PRKN: variants seen among roughly 807,000 people sequenced by gnomAD.
PRKN encodes the protein E3 ubiquitin-protein ligase parkin.
PRKN carries 56 observed loss-of-function variants against 59.5 expected under a neutral mutation model. The observed-to-expected ratio is 0.94, with a 90% CI of 0.76 to 1.18. The LOEUF is 1.18. PRKN is among the 50% of genes most tolerant of loss of function. PRKN has a pLI of 0.00. For synonymous variants in PRKN, 250 were observed against 222.1 expected, an observed-to-expected ratio of 1.13 and a Z score of -1.12; for missense variants, 657 against 596.4, an observed-to-expected ratio of 1.10 and a Z score of -1.06.
At chr6:161,869,781 C>T (rs1281261523) in intron 6 of PRKN, among the ~76,000 whole-genome samples, 1 of 152,116 alleles carries the variant, frequency 6.6e-6, no homozygotes, top group Admixed American at 6.6e-5. Flanking sequence ...TTGTCTTCTT[C>T]CCAGGGCAGA....
intron 7 of PRKN, among the ~76,000 whole-genome samples, chr6:161,694,052 T>C (rs1435918091): frequency 6.6e-6 from 1 of 152,142 alleles, no homozygotes; most frequent in African/African-American, 2.4e-5. Flanking sequence ...CCTCAAGCAT[T>C]CTCTAAAACA....
chr6:162,490,363 A>C (rs1562325992), intron 1 of PRKN, among the ~76,000 whole-genome samples: 1 of 152,236 alleles, frequency 6.6e-6, no homozygotes, highest in Non-Finnish European at 1.5e-5. Context: ...CAGAAGAAAT[A>C]AACATTTCAC....
chr6:161,408,315 G>A (rs1294514868), intron 9 of PRKN, among the ~76,000 whole-genome samples: 1 of 124,846 alleles, frequency 8.0e-6, no homozygotes, highest in Non-Finnish European at 1.6e-5. Flanking sequence ...GTGAAAAACT[G>A]GTAAAAAAAA....
rs1013607140 is a variant in PRKN, at chr6:162,294,234, C to T, written c.172-31469G>A. Among the ~76,000 whole-genome samples, 10 of 152,070 alleles carry T rather than the reference C, an allele frequency of 6.6e-5. 1 individual carries two copies. Among genetic ancestry groups the T allele is most frequent in the African/African-American group, 1.9e-4 (8 of 41,390 alleles). ...AACCCTTGGCCAGGCTCCAAGTACCCGAGCCAAAAGCTCTGTTTCCTGGCC... is the reference window on the plus strand; with the variant it reads ...AACCCTTGGCCAGGCTCCAAGTACCTGAGCCAAAAGCTCTGTTTCCTGGCC... On this transcript the variant is annotated intron_variant, in intron 2 of 11. Transcript: ENST00000366898.
chr6:161,482,009 G>A (rs936578976), intron 9 of PRKN, among the ~76,000 whole-genome samples: 4 of 139,314 alleles, frequency 2.9e-5, no homozygotes, highest in Non-Finnish European at 3.1e-5. Context: ...TTCATTTTGC[G>A]GGGGGTGGGG....
chr6:162,262,918 C>G, intron 2 of PRKN, 153 bp from the exon 3 acceptor site: 1 of 902,738 alleles, frequency 1.1e-6, no homozygotes, highest in Non-Finnish European at 1.7e-6. Context: ...ACAGCAGTTA[C>G]ACACTACACA....
At chr6:162,534,003 G>T (rs1402145546) in intron 1 of PRKN, among the ~76,000 whole-genome samples, 2 of 150,572 alleles carry the variant, frequency 1.3e-5, no homozygotes, top group African/African-American at 2.4e-5. Flanking sequence ...TATGAAGGAG[G>T]ATTAATAAGA....
chr6:162,243,353 T>C (rs902110152), intron 3 of PRKN, among the ~76,000 whole-genome samples: 2 of 152,112 alleles, frequency 1.3e-5, no homozygotes, highest in Admixed American at 6.6e-5. Flanking sequence ...GACTTATCAA[T>C]GACAGCTCTT....
At chr6:161,501,165 C>T (rs1202340569) in intron 9 of PRKN, among the ~76,000 whole-genome samples, 2 of 152,152 alleles carry the variant, frequency 1.3e-5, no homozygotes, top group Non-Finnish European at 1.5e-5. Flanking sequence ...AGCCATTGTG[C>T]CCGGCTGTGT....
intron 2 of PRKN, among the ~76,000 whole-genome samples, chr6:162,342,826 C>A (rs1784241782): frequency 6.6e-6 from 1 of 152,110 alleles, no homozygotes; most frequent in African/African-American, 2.4e-5. Flanking sequence ...GGCTTCTAAT[C>A]CCTAACGTGA....
intron 6 of PRKN, among the ~76,000 whole-genome samples, chr6:161,821,097 T>A (rs1289758264): frequency 6.6e-6 from 1 of 152,134 alleles, no homozygotes; most frequent in Non-Finnish European, 1.5e-5. Context: ...TTATATGTTT[T>A]CATTAAAAAT....
At chr6:162,553,915 A>G (rs1485942252) in intron 1 of PRKN, among the ~76,000 whole-genome samples, 1 of 148,986 alleles carries the variant, frequency 6.7e-6, no homozygotes, top group Non-Finnish European at 1.5e-5. Flanking sequence ...TTGGAATCTC[A>G]GGTGGATAAA....
intron 5 of PRKN, among the ~76,000 whole-genome samples, chr6:162,032,378 G>A (rs1783675196): frequency 6.6e-6 from 1 of 152,052 alleles, no homozygotes; most frequent in Non-Finnish European, 1.5e-5. Flanking sequence ...ATTTTGTTCT[G>A]TAGAAAAGGA....
intron 4 of PRKN, among the ~76,000 whole-genome samples, chr6:162,096,246 T>C (rs1779725486): frequency 6.6e-6 from 1 of 152,198 alleles, no homozygotes; most frequent in South Asian, 2.1e-4. Flanking sequence ...TCCAGGCTGC[T>C]TCTCACTCTG....
chr6:162,708,248 A>G (rs1778405242), intron 1 of PRKN, among the ~76,000 whole-genome samples: 2 of 152,214 alleles, frequency 1.3e-5, no homozygotes, highest in Non-Finnish European at 2.9e-5. Context: ...GATGATAAAA[A>G]TATCTGAAAA....
intron 2 of PRKN, among the ~76,000 whole-genome samples, chr6:162,302,452 C>T (rs1782004092): frequency 6.6e-6 from 1 of 152,092 alleles, no homozygotes; most frequent in Admixed American, 6.6e-5. Context: ...GAGAGAAATT[C>T]AACAAGAAAC....
At chr6:162,042,811 C>A (rs932884988) in intron 5 of PRKN, among the ~76,000 whole-genome samples, 6 of 152,082 alleles carry the variant, frequency 3.9e-5, no homozygotes, top group Non-Finnish European at 7.4e-5. Context: ...ACTTATAATT[C>A]TTGTGAACAT....
chr6:162,105,291 G>A (rs1780144345), intron 4 of PRKN, among the ~76,000 whole-genome samples: 1 of 152,200 alleles, frequency 6.6e-6, no homozygotes, highest in Non-Finnish European at 1.5e-5. Context: ...CAAATTGGGA[G>A]AGAAATGCTA....
chr6:162,408,173 A>G (rs1788170410), intron 2 of PRKN, among the ~76,000 whole-genome samples: 1 of 152,114 alleles, frequency 6.6e-6, no homozygotes, highest in Non-Finnish European at 1.5e-5. Context: ...TTATGAAAAT[A>G]AATATAATAT....
Sources: allele counts gnomAD v4.1 joint callset (sites outside exome capture counted in the v4.1 genomes callset), GRCh38; gene constraint gnomAD v4.1.1; transcripts MANE v1.5; gene names NCBI Gene and HGNC (gene_info 2026-07-23, HGNC 2026-07-21).